SCUBE2: variants seen among roughly 807,000 people sequenced by gnomAD.
The protein encoded by SCUBE2 is signal peptide, CUB and EGF-like domain-containing protein 2.
SCUBE2 carries 114 observed loss-of-function variants against 125.9 expected under a neutral mutation model. The ratio of observed to expected loss-of-function variants is 0.91; its 90% confidence interval spans 0.78 to 1.06. The LOEUF (loss-of-function observed/expected upper bound fraction) is 1.06, where lower values mean the gene tolerates loss of function less well. Ranked by LOEUF, SCUBE2 falls within the 50% of genes least tolerant of loss-of-function variation. The pLI is 0.00. For missense variants in SCUBE2, 1,255 were observed against 1,301.8 expected (o/e 0.96, Z 0.55); for synonymous variants, 459 against 492.9 (o/e 0.93, Z 0.91).
At chr11:9,072,956 G>A (rs1444793013) in intron 4 of SCUBE2, among the ~76,000 whole-genome samples, 2 of 152,198 alleles carry the variant, frequency 1.3e-5, no homozygotes, top group Admixed American at 6.5e-5. Context: ...GGCTCTGGAA[G>A]TACAGGGATA....
chr11:9,063,811 C>A (rs908548330), intron 7 of SCUBE2, among the ~76,000 whole-genome samples: 6 of 152,182 alleles, frequency 3.9e-5, no homozygotes, highest in African/African-American at 1.4e-4. Flanking sequence ...TCCGAGGAAA[C>A]TTTTTCACCA....
intron 21 of SCUBE2, 105 bp downstream of exon 21, chr11:9,025,597 T>C (rs1056666705): frequency 2.9e-6 from 4 of 1,403,208 alleles, no homozygotes; most frequent in Non-Finnish European, 3.9e-6. Flanking sequence ...TCATCTTGCC[T>C]GCCTTTCTGA....
intron 10 of SCUBE2, among the ~76,000 whole-genome samples, chr11:9,055,397 G>A (rs1267781801): frequency 1.3e-5 from 2 of 152,196 alleles, no homozygotes; most frequent in East Asian, 3.8e-4. Flanking sequence ...ATGCATAGCA[G>A]GGCTGTGGAA....
chr11:9,075,227 A>T (rs1402933105), intron 3 of SCUBE2, among the ~76,000 whole-genome samples: 1 of 118,204 alleles, frequency 8.5e-6, no homozygotes, highest in Non-Finnish European at 1.8e-5. Context: ...AAAAAAAAAA[A>T]TCCTTCTCTC....
At chr11:9,047,234 C>T in intron 16 of SCUBE2, 122 bp downstream of exon 16, 1 of 958,416 alleles carries the variant, frequency 1.0e-6, no homozygotes, top group Non-Finnish European at 1.6e-6. Context: ...AGAAGCACTG[C>T]CCGGAGTGTT....
intron 9 of SCUBE2, among the ~76,000 whole-genome samples, chr11:9,058,721 G>C (rs189753115): frequency 6.6e-6 from 1 of 151,752 alleles, no homozygotes. Flanking sequence ...CCAGGAAGGC[G>C]GAGGTTGCAG....
Position 9,052,741 on chromosome 11 carries a change from A to G in SCUBE2, c.1534+5T>C. On this transcript the variant is annotated splice_donor_5th_base_variant and intron_variant, in intron 13 of 22. Transcript: ENST00000649792. ...CCAGAGAGAACACGCAGATTTGGTA[A>G]TTACCCCCAAAAGCAGAGTCATTTG... 6.5e-7 allele frequency: 1 copy of G among 1,533,770 alleles called. No homozygotes were observed. The highest frequency in any genetic ancestry group is 8.7e-7 in the Non-Finnish European group (1 of 1,143,760).
At chr11:9,023,199 C>T (rs1035484466) in intron 21 of SCUBE2, among the ~76,000 whole-genome samples, 4 of 152,062 alleles carry the variant, frequency 2.6e-5, no homozygotes, top group East Asian at 1.9e-4. Flanking sequence ...ATATCATGTG[C>T]GACAAAGCCA....
intron 17 of SCUBE2, 72 bp downstream of exon 17, chr11:9,033,554 C>T (rs1188167003): frequency 3.3e-6 from 5 of 1,538,426 alleles, no homozygotes; most frequent in Non-Finnish European, 4.4e-6. Flanking sequence ...GTCTGGAGTC[C>T]TTGAGATGCC....
chr11:9,053,530 A>G, intron 11 of SCUBE2, 107 bp downstream of exon 11: 1 of 1,268,808 alleles, frequency 7.9e-7, no homozygotes, highest in South Asian at 1.4e-5. Context: ...GCTGGTGGGG[A>G]AGTCAGTGGA....
chr11:9,022,091 C>T (rs551685743), intron 21 of SCUBE2, 136 bp from the exon 22 acceptor site: 2 of 643,848 alleles, frequency 3.1e-6, no homozygotes. Flanking sequence ...ACTGAGAAGA[C>T]AGTCAGAAGA....
At chr11:9,081,703 T>G (rs1027781611) in intron 2 of SCUBE2, among the ~76,000 whole-genome samples, 1 of 152,156 alleles carries the variant, frequency 6.6e-6, no homozygotes, top group African/African-American at 2.4e-5. Context: ...TATTATTTTG[T>G]ACATAACACA....
At chr11:9,058,589 CTG>C (rs1392486440) in intron 9 of SCUBE2, among the ~76,000 whole-genome samples, 3 of 91,692 alleles carry the variant, frequency 3.3e-5, no homozygotes, top group African/African-American at 1.0e-4. Flanking sequence ...GAGCGAGACT[CTG>C]TCTCAAAAAA....
chr11:9,047,264 A>T (rs1857872335), intron 16 of SCUBE2, 92 bp downstream of exon 16: 1 of 1,294,464 alleles, frequency 7.7e-7, no homozygotes. Context: ...GAGCCCTGAG[A>T]AGGGAGGATG....
chr11:9,053,383 AT>A (rs1858640471), intron 11 of SCUBE2, among the ~76,000 whole-genome samples, 168 bp from the exon 12 acceptor site: 1 of 152,258 alleles, frequency 6.6e-6, no homozygotes, highest in Non-Finnish European at 1.5e-5. Context: ...GGAGCCCCTG[AT>A]ATGCCATTTC....
intron 5 of SCUBE2, among the ~76,000 whole-genome samples, chr11:9,069,005 C>A (rs1164129303): frequency 6.6e-6 from 1 of 152,078 alleles, no homozygotes; most frequent in Non-Finnish European, 1.5e-5. Flanking sequence ...GTAGTGTCTG[C>A]GGAAAGGAGG....
In SCUBE2 at chr11:9,091,467, AGC is replaced by A. The variant is rs1862734457; in HGVS notation, c.60_61del (p.Leu21AlafsTer27). Reference sequence around the variant, plus strand: ...CGCCAGCAGCAGCAGTGGCGGCAGCAGCAGCAGCAGCAGCAGCACCGCCCAGG... The same window carrying A: ...CGCCAGCAGCAGCAGTGGCGGCAGCAAGCAGCAGCAGCAGCACCGCCCAGG... On this transcript the variant is annotated frameshift_variant, in exon 1 of 23. Transcript: ENST00000649792. LOFTEE classifies it high-confidence loss of function. The surrounding 1 kb of genome is among the most constrained non-coding windows in gnomAD (Gnocchi z 8.5). 4 of 1,185,400 alleles carry A rather than the reference AGC, an allele frequency of 3.4e-6. No homozygotes were observed. Among genetic ancestry groups the A allele is most frequent in the African/African-American group, 3.4e-5 (2 of 57,990 alleles). 73.4% of individuals were successfully genotyped at this position (1,185,400 alleles called of 1,614,324 possible). A position where few individuals can be genotyped will look rare whatever the true frequency, so the allele number is the denominator to read the frequency against.
intron 15 of SCUBE2, among the ~76,000 whole-genome samples, 174 bp downstream of exon 15, chr11:9,047,769 G>C (rs1271240238): frequency 6.6e-6 from 1 of 152,094 alleles, no homozygotes; most frequent in Admixed American, 6.6e-5. Context: ...TTTTTATGAA[G>C]CAGAGAAAAC....
Position 9,021,154 on chromosome 11 carries a change from G to T in SCUBE2, c.2978C>A (p.Pro993His). 1 of 1,611,786 alleles carries T rather than the reference G, an allele frequency of 6.2e-7. No homozygotes were observed. The highest frequency in any genetic ancestry group is 1.1e-5 in the South Asian group (1 of 90,338). ...GGCTGTGTACTTGAAATAGTTCTGG[G>T]GATGGGCCAGGACATCAAACAGAGC... ...IKALFDVLAH[P>H]QNYFKYTAQE... Residue 993 changes from proline (P) to histidine (H), a missense_variant, in exon 23 of 23, where the codon CCC becomes CAC. Physicochemically the swap from Pro to His is moderately conservative, Grantham distance 77. Coordinates refer to ENST00000649792, the MANE Select transcript of SCUBE2 (RefSeq NM_001367977.2).
Sources: allele counts gnomAD v4.1 joint callset (sites outside exome capture counted in the v4.1 genomes callset), GRCh38; gene constraint gnomAD v4.1.1; non-coding constraint Gnocchi (gnomAD v3.1); transcripts MANE v1.5; gene names NCBI Gene and HGNC (gene_info 2026-07-23, HGNC 2026-07-21).